The following TGM1 variants were observed in gnomAD, a reference collection of about 807,000 sequenced individuals.
TGM1 encodes transglutaminase 1, also known as protein-glutamine gamma-glutamyltransferase K.
In TGM1, 63 loss-of-function variants were observed where a neutral mutation model predicts 88.7. That is an observed-to-expected ratio of 0.71 (90% CI 0.58 to 0.88). The LOEUF (loss-of-function observed/expected upper bound fraction) is 0.88, where lower values mean the gene tolerates loss of function less well. TGM1 is among the 40% of genes least tolerant of loss of function. The pLI is 0.00. For missense variants in TGM1, 996 were observed against 1,118.0 expected, an observed-to-expected ratio of 0.89 and a Z score of 1.56; for synonymous variants, 415 against 431.1, an observed-to-expected ratio of 0.96 and a Z score of 0.46.
Position 24,259,594 on chromosome 14 carries a change from G to A in TGM1, c.984+110C>T. 1 of 923,948 alleles carries A rather than the reference G, an allele frequency of 1.1e-6. No individual in the cohort carries two copies. Among genetic ancestry groups the A allele is most frequent in the East Asian group, 2.6e-5 (1 of 38,254 alleles). 57.2% of individuals were successfully genotyped at this position (923,948 alleles called of 1,614,324 possible). A position where few individuals can be genotyped will look rare whatever the true frequency, so the allele number is the denominator to read the frequency against. ...CCTGAAGTATCCTTTACGAGGGCAGGGACAGGGCTGGGGGTTCTTGAGGAA... is the reference window on the plus strand; with the variant it reads ...CCTGAAGTATCCTTTACGAGGGCAGAGACAGGGCTGGGGGTTCTTGAGGAA... On this transcript the variant is annotated intron_variant, in intron 6 of 14. Coordinates refer to ENST00000206765, the MANE Select transcript of TGM1 (RefSeq NM_000359.3). The surrounding 1 kb of genome is among the most constrained non-coding windows in gnomAD (Gnocchi z 5.7).
Position 24,259,588 on chromosome 14 carries a change from G to T in TGM1, c.984+116C>A. ...CCCCTTCCTGAAGTATCCTTTACGA[G>T]GGCAGGGACAGGGCTGGGGGTTCTT... On this transcript the variant is annotated intron_variant, in intron 6 of 14. Coordinates refer to ENST00000206765, the MANE Select transcript of TGM1 (RefSeq NM_000359.3). This position sits in a 1 kb window ranked among gnomAD's most constrained non-coding sequence, Gnocchi z 5.7. The T allele has an allele frequency of 1.1e-6, 1 of 879,540 alleles. No homozygotes were observed. The highest frequency in any genetic ancestry group is 1.8e-6 in the Non-Finnish European group (1 of 545,242). The allele number at this position is 879,540 out of a possible 1,614,324, so 54.5% of individuals were successfully genotyped here.
chr14:24,249,665 C>T (rs1218554704), intron 14 of TGM1, 124 bp from the exon 15 acceptor site: 3 of 913,718 alleles, frequency 3.3e-6, no homozygotes, highest in Non-Finnish European at 5.2e-6. Context: ...TCCAGGCTTA[C>T]CTGAAATTTC....
intron 14 of TGM1, among the ~76,000 whole-genome samples, chr14:24,252,368 C>T (rs1013932113): frequency 6.6e-6 from 1 of 152,252 alleles, no homozygotes; most frequent in Non-Finnish European, 1.5e-5. Flanking sequence ...ACACTCAGCA[C>T]AGTGGCCCTT....
At position 24,255,956 on chromosome 14, in the gene TGM1, A is replaced by C. The variant is rs370114302; in HGVS notation, c.1491+33T>G. 3.9e-6 allele frequency: 6 copies of C among 1,528,456 alleles called. No individual in the cohort carries two copies. In the African/African-American group the frequency reaches 8.3e-5, roughly 21 times the overall value. 94.7% of individuals were successfully genotyped at this position (1,528,456 alleles called of 1,614,324 possible). A position where few individuals can be genotyped will look rare whatever the true frequency, so the allele number is the denominator to read the frequency against. The stretch of plus-strand genomic sequence containing the variant: ...TTGGGACCAGAGAACCCATGACTGA[A>C]GCCCAAGAAGGCACCTGGAGCCCAG... On this transcript the variant is annotated intron_variant, in intron 10 of 14. Transcript: ENST00000206765. This position sits in a 1 kb window ranked among gnomAD's most constrained non-coding sequence, Gnocchi z 4.0.
intron 3 of TGM1, among the ~76,000 whole-genome samples, 197 bp from the exon 4 acceptor site, chr14:24,260,895 G>A (rs41293782): frequency 4.6e-5 from 7 of 152,218 alleles, no homozygotes; most frequent in Admixed American, 4.6e-4. Flanking sequence ...TGTTAGGGCA[G>A]TGCCGCAGTC....
At position 24,259,645 on chromosome 14, in the gene TGM1, G is replaced by A. The variant is rs2040788577; in HGVS notation, c.984+59C>T. On this transcript the variant is annotated intron_variant, in intron 6 of 14. Transcript: ENST00000206765. This position sits in a 1 kb window ranked among gnomAD's most constrained non-coding sequence, Gnocchi z 5.7. The stretch of plus-strand genomic sequence containing the variant: ...TCCAGAAAGGGCAGGAGGAGGGTGG[G>A]GGTGTGGCGAGGCAGCAGGCACACA... The A allele has an allele frequency of 2.9e-6, 4 of 1,391,562 alleles. No homozygotes were observed. The Admixed American group carries it at 7.5e-5, about 26-fold the overall frequency. The allele number at this position is 1,391,562 out of a possible 1,614,324, so 86.2% of individuals were successfully genotyped here. A position where few individuals can be genotyped will look rare whatever the true frequency, so the allele number is the denominator to read the frequency against.
chr14:24,255,850 T>C lies in TGM1; in HGVS notation c.1491+139A>G, dbSNP rs891092659. 1 of 792,592 alleles carries C rather than the reference T, an allele frequency of 1.3e-6. No homozygotes were observed. The highest frequency in any genetic ancestry group is 2.2e-6 in the Non-Finnish European group (1 of 460,486). 49.1% of individuals were successfully genotyped at this position (792,592 alleles called of 1,614,324 possible). A position where few individuals can be genotyped will look rare whatever the true frequency, so the allele number is the denominator to read the frequency against. On this transcript the variant is annotated intron_variant, in intron 10 of 14. Coordinates refer to ENST00000206765, the MANE Select transcript of TGM1 (RefSeq NM_000359.3). The surrounding 1 kb of genome is among the most constrained non-coding windows in gnomAD (Gnocchi z 4.0). ...ATAGGAAGCAAGGCAGCCTTGATTA[T>C]CCCCTTTTACAGGTGAGGAAACTGA...
chr14:24,260,322 A>G, intron 4 of TGM1, 128 bp downstream of exon 4: 1 of 1,468,212 alleles, frequency 6.8e-7, no homozygotes, highest in Non-Finnish European at 9.2e-7. Context: ...CGGTCCTCTC[A>G]TCTGCCCAAT....
chr14:24,255,041 A>G lies in TGM1; in HGVS notation c.1858T>C (p.Phe620Leu). The change falls in exon 12 of 15, where the codon TTC (phenylalanine) becomes CTC (leucine). Residue 620 changes from phenylalanine (F) to leucine (L), a missense_variant. Phe to Leu is a conservative substitution (Grantham distance 22, BLOSUM62 0). Coordinates refer to ENST00000206765, the MANE Select transcript of TGM1 (RefSeq NM_000359.3). This position sits in a 1 kb window ranked among gnomAD's most constrained non-coding sequence, Gnocchi z 4.0. ...VKLHLYLSVT[F>L]YTGVSGTIFK... ...ATGGTACCACTGACACCAGTATAGA[A>G]AGTGACTGAGAGGTAGAGGTGCAGT... 6.2e-7 allele frequency: 1 copy of G among 1,614,070 alleles called. No individual in the cohort carries two copies. Among genetic ancestry groups the G allele is most frequent in the Admixed American group, 1.7e-5 (1 of 60,016 alleles).
At chr14:24,254,405 T>A (rs1173973007) in intron 13 of TGM1, 117 bp from the exon 14 acceptor site, 1 of 1,478,546 alleles carries the variant, frequency 6.8e-7, no homozygotes, top group Non-Finnish European at 9.3e-7. Context: ...GAGTCCCACA[T>A]TTATCCTCCT....
rs2040802620 is a variant in TGM1, at chr14:24,260,811, T to C, written c.509-113A>G. 5 of 1,403,492 alleles carry C rather than the reference T, an allele frequency of 3.6e-6. No individual in the cohort carries two copies. In the Admixed American group the frequency reaches 9.1e-5, roughly 25 times the overall value. The allele number at this position is 1,403,492 out of a possible 1,614,324, so 86.9% of individuals were successfully genotyped here. A position where few individuals can be genotyped will look rare whatever the true frequency, so the allele number is the denominator to read the frequency against. ...GTGTATGAGCCACTGTGTATGTCCC[T>C]ACGTTGGGCCATCACCTTATTCTCT... On this transcript the variant is annotated intron_variant, in intron 3 of 14. Transcript: ENST00000206765.
chr14:24,250,179 T>TGA lies in TGM1; in HGVS notation c.2226-640_2226-639dup, dbSNP rs1555305392. Among the ~76,000 whole-genome samples, 5 of 140,700 alleles carry TGA rather than the reference T, an allele frequency of 3.6e-5. No individual in the cohort carries two copies. In the East Asian group the frequency reaches 8.8e-4, roughly 25 times the overall value. The allele number at this position is 140,700 out of a possible 152,430, so 92.3% of individuals were successfully genotyped here. On this transcript the variant is annotated intron_variant, in intron 14 of 14. Coordinates refer to ENST00000206765, the MANE Select transcript of TGM1 (RefSeq NM_000359.3). ...GTGTGTGTGTGTGTGTGTGTGTGTG[T>TGA]GAGAGAGACAGAGAGGTGGGTGGAC...
chr14:24,260,531 T>C lies in TGM1; in HGVS notation c.676A>G (p.Thr226Ala), dbSNP rs960464232. 2 of 1,614,236 alleles carry C rather than the reference T, an allele frequency of 1.2e-6. No homozygotes were observed. Among genetic ancestry groups the C allele is most frequent in the Non-Finnish European group, 8.5e-7 (1 of 1,180,038 alleles). ...TGGAACTCCCCAGCGTCTGATTGTG[T>C]GCGGACTGTGAACTGAAACTTGCCG... Reference protein sequence around the residue: ...IIGKFQFTVRTQSDAGEFQLP... With the variant: ...IIGKFQFTVRAQSDAGEFQLP... The change falls in exon 4 of 15, where the codon ACA (threonine) becomes GCA (alanine). Residue 226 changes from threonine to alanine, a missense_variant. Thr to Ala is a moderately conservative substitution (Grantham distance 58). Transcript: ENST00000206765.
chr14:24,262,412 G>T, intron 1 of TGM1, 58 bp from the exon 2 acceptor site: 1 of 1,575,400 alleles, frequency 6.3e-7, no homozygotes. Context: ...AGTTGACCCA[G>T]AAACCCTCCA....
rs756732717 is a variant in TGM1, at chr14:24,259,140, T to C, written c.1094A>G (p.Tyr365Cys). 2.5e-6 allele frequency: 4 copies of C among 1,613,932 alleles called. No homozygotes were observed. The highest frequency in any genetic ancestry group is 3.4e-6 in the Non-Finnish European group (4 of 1,179,998). Residue 365 changes from tyrosine (Y) to cysteine (C), a missense_variant, in exon 7 of 15, where the codon TAC becomes TGC. Tyr to Cys is a radical substitution (Grantham distance 194). Coordinates refer to ENST00000206765, the MANE Select transcript of TGM1 (RefSeq NM_000359.3). The surrounding 1 kb of genome is among the most constrained non-coding windows in gnomAD (Gnocchi z 5.7). ...GGGGACGGAATATCCCGTGCGTAGG[T>C]AGCTAAGCAGGATCTCCACGCTGCC... is the stretch of plus-strand genomic sequence containing the variant. ...WVGSVEILLS[Y>C]LRTGYSVPYG... is the part of the protein sequence containing the mutation.
rs139811103 is a variant in TGM1, at chr14:24,260,688, G to A, written c.519C>T (p.Pro173=). The A allele has an allele frequency of 4.8e-4, 774 of 1,613,956 alleles. No individual in the cohort carries two copies. The highest frequency in any genetic ancestry group is 6.1e-4 in the Non-Finnish European group (715 of 1,180,036). Residue 173 remains proline, a synonymous_variant, in exon 4 of 15, where the codon CCC becomes CCT. Coordinates refer to ENST00000206765, the MANE Select transcript of TGM1 (RefSeq NM_000359.3). ...ITLELLIGNN[P]EVGKGTHVII... The stretch of plus-strand genomic sequence containing the variant: ...TCACGTGCGTGCCCTTGCCCACCTC[G>A]GGGTTGTTTCCTAGAGTAGGAAATC...
At position 24,258,399 on chromosome 14, in the gene TGM1, A is replaced by T; in HGVS notation, c.1299-11T>A. 1 of 1,613,912 alleles carries T rather than the reference A, an allele frequency of 6.2e-7. No individual in the cohort carries two copies. The highest frequency in any genetic ancestry group is 8.5e-7 in the Non-Finnish European group (1 of 1,179,862). On this transcript the variant is annotated splice_polypyrimidine_tract_variant and intron_variant, in intron 8 of 14. Transcript: ENST00000206765. ...CACACATGGAAGTTCCTGGATGGAC[A>T]TGGAGGAGGGGCTGGGTCTGAGCCC...
chr14:24,256,205 C>G (rs2040750314), intron 9 of TGM1, 128 bp from the exon 10 acceptor site: 2 of 785,320 alleles, frequency 2.5e-6, no homozygotes, highest in Non-Finnish European at 4.4e-6. Context: ...CTGGTGGCCT[C>G]TGGAACAAGG....
rs886050441 is a variant in TGM1, at chr14:24,262,019, A to G, written c.319+15T>C. ...GCCTTTTAGCTCTCAGCTGAGGAGG[A>G]CAGACCGGCCTCACCTCGGATGGTG... On this transcript the variant is annotated intron_variant, in intron 2 of 14. Transcript: ENST00000206765. 1 of 1,613,166 alleles carries G rather than the reference A, an allele frequency of 6.2e-7. No homozygotes were observed. Among genetic ancestry groups the G allele is most frequent in the South Asian group, 1.1e-5 (1 of 91,070 alleles).
Sources: gnomAD v4.1 joint callset for allele counts (sites outside exome capture counted in the v4.1 genomes callset) on GRCh38, gnomAD v4.1.1 for gene constraint, Gnocchi (gnomAD v3.1) non-coding constraint, MANE v1.5 for transcripts, NCBI Gene and HGNC (gene_info 2026-07-23, HGNC 2026-07-21) for gene names.